Variants in MERTK observed in about 807,000 individuals in gnomAD.
MERTK encodes the protein MER proto-oncogene, tyrosine kinase, also known as tyrosine-protein kinase Mer.
MERTK carries 69 observed loss-of-function variants against 99.3 expected under a neutral mutation model. The ratio of observed to expected loss-of-function variants is 0.70; its 90% confidence interval spans 0.57 to 0.85. MERTK has a LOEUF of 0.85. Ranked by LOEUF, MERTK falls within the 40% of genes least tolerant of loss-of-function variation. MERTK has a pLI of 0.00. For missense variants in MERTK, 1,125 were observed against 1,249.4 expected, an observed-to-expected ratio of 0.90 and a Z score of 1.50; for synonymous variants, 426 against 467.6, an observed-to-expected ratio of 0.91 and a Z score of 1.15.
chr2:111,922,714 A>G (rs1684487871), intron 1 of MERTK, among the ~76,000 whole-genome samples: 1 of 152,216 alleles, frequency 6.6e-6, no homozygotes, highest in Non-Finnish European at 1.5e-5. Context: ...CAAAGAAGTT[A>G]TAGAGCTTTC....
intron 1 of MERTK, among the ~76,000 whole-genome samples, chr2:111,914,835 T>G (rs530842418): frequency 6.6e-6 from 1 of 152,312 alleles, no homozygotes; most frequent in South Asian, 2.1e-4. Context: ...TTTATATTCA[T>G]GAAGAATGTT....
In MERTK at chr2:112,021,414, C is replaced by G; in HGVS notation, c.2190-8C>G. The G allele has an allele frequency of 1.2e-6, 2 of 1,612,806 alleles. No homozygotes were observed. The highest frequency in any genetic ancestry group is 3.8e-4 in the Middle Eastern group (2 of 5,242). On this transcript the variant is annotated splice_polypyrimidine_tract_variant and splice_region_variant and intron_variant, in intron 16 of 18. Transcript: ENST00000295408. ...GACGCTGCTGAAGACGTAACCTGCT[C>G]TCTGTAGGTTGCGAGATGACATGAC...
chr2:111,993,713 C>G (rs1676676672), intron 8 of MERTK, among the ~76,000 whole-genome samples: 1 of 151,674 alleles, frequency 6.6e-6, no homozygotes, highest in Non-Finnish European at 1.5e-5. Flanking sequence ...AAAGTAAAAC[C>G]AGAGTTTTGA....
chr2:111,968,326 AGGATGGGCAT>A, intron 6 of MERTK, 74 bp downstream of exon 6: 1 of 1,237,732 alleles, frequency 8.1e-7, no homozygotes, highest in Non-Finnish European at 1.2e-6. Flanking sequence ...CTTCCTTCCA[AGGATGGGCAT>A]GGAGGGCATT....
intron 8 of MERTK, among the ~76,000 whole-genome samples, chr2:111,991,336 C>T (rs924167481): frequency 2.0e-5 from 3 of 152,130 alleles, no homozygotes; most frequent in Non-Finnish European, 4.4e-5. Flanking sequence ...CGCTTTTCTC[C>T]TGTCTCAGCC....
rs181770068 is a variant in MERTK at position 111,951,042 on chromosome 2, G to A, written c.757+3475G>A. 2.0e-3 allele frequency among the ~76,000 whole-genome samples: 297 copies of A among 150,038 alleles called. 6 individuals carry two copies. In the South Asian group the frequency reaches 0.052, roughly 26 times the overall value. ...ATTGTATGTACTTAAGGTATACAAT[G>A]TAATGTTTTGAAATACATAGTGAAC... On this transcript the variant is annotated intron_variant, in intron 4 of 18. Transcript: ENST00000295408.
chr2:112,019,333 CT>C (rs776877713), intron 15 of MERTK, 79 bp from the exon 16 acceptor site: 65 of 1,003,632 alleles, frequency 6.5e-5, no homozygotes, highest in Middle Eastern at 2.1e-4. Flanking sequence ...TTAAAGCATC[CT>C]TTCCCCCCCC....
chr2:111,977,712 A>G (rs1054339534), intron 7 of MERTK, among the ~76,000 whole-genome samples: 4 of 152,146 alleles, frequency 2.6e-5, no homozygotes, highest in South Asian at 2.1e-4. Flanking sequence ...AAGTTGTCCC[A>G]TAACTCACTG....
intron 1 of MERTK, among the ~76,000 whole-genome samples, chr2:111,912,169 A>ATT (rs113080711): frequency 1.6e-4 from 23 of 146,624 alleles, no homozygotes; most frequent in South Asian, 4.3e-4. Flanking sequence ...TGCCCAGCTA[A>ATT]TTTTTTTTTT....
At chr2:111,962,258 A>G (rs1685264344) in intron 4 of MERTK, among the ~76,000 whole-genome samples, 1 of 152,166 alleles carries the variant, frequency 6.6e-6, no homozygotes, top group African/African-American at 2.4e-5. Flanking sequence ...CTGTAATCCT[A>G]GCGTTTTAGG....
At chr2:112,019,341 C>G (rs932278685) in intron 15 of MERTK, 72 bp from the exon 16 acceptor site, 10 of 1,093,812 alleles carry the variant, frequency 9.1e-6, no homozygotes, top group Non-Finnish European at 1.4e-5. Flanking sequence ...TCCTTTCCCC[C>G]CCCGGCAGAA....
rs893105840 is a variant in MERTK at position 112,029,146 on chromosome 2, A to C, written c.*282A>C. On this transcript the variant is annotated 3_prime_UTR_variant, in exon 19 of 19. Coordinates refer to ENST00000295408, the MANE Select transcript of MERTK (RefSeq NM_006343.3). ...CTTGCATATCTTAAAATTAAGCTTC[A>C]GCTGCTCCTTGATATTAACATTTGT... 1.5e-5 allele frequency: 17 copies of C among 1,102,528 alleles called. No homozygotes were observed. Among genetic ancestry groups the C allele is most frequent in the Non-Finnish European group, 1.9e-5 (17 of 898,556 alleles). 68.3% of individuals were successfully genotyped at this position (1,102,528 alleles called of 1,614,324 possible).
rs2104404227 is a variant in MERTK, at chr2:112,000,133, A to G, written c.1605-1068A>G. Reference sequence around the variant, plus strand: ...ATGGTGGAATGTCATCAGGTAAGGCAGGAACTGGCTATTTTCACTTCTTTT... The same window carrying G: ...ATGGTGGAATGTCATCAGGTAAGGCGGGAACTGGCTATTTTCACTTCTTTT... On this transcript the variant is annotated intron_variant, in intron 10 of 18. Coordinates refer to ENST00000295408, the MANE Select transcript of MERTK (RefSeq NM_006343.3). Among the ~76,000 whole-genome samples the G allele has an allele frequency of 1.3e-5, 2 of 152,324 alleles. 1 individual carries two copies. The highest frequency in any genetic ancestry group is 4.1e-4 in the South Asian group (2 of 4,832).
intron 8 of MERTK, among the ~76,000 whole-genome samples, chr2:111,989,418 G>A (rs146858765): frequency 9.3e-5 from 14 of 150,160 alleles, no homozygotes; most frequent in African/African-American, 3.2e-4. Flanking sequence ...GTGCAGTGGT[G>A]CGGTCTCCAC....
At chr2:112,001,345 G>T in intron 11 of MERTK, 59 bp downstream of exon 11, 1 of 1,309,464 alleles carries the variant, frequency 7.6e-7, no homozygotes, top group South Asian at 1.2e-5. Flanking sequence ...AACAAAGAAG[G>T]ATCAATAGAC....
intron 4 of MERTK, among the ~76,000 whole-genome samples, chr2:111,956,133 G>A (rs375052372): frequency 1.8e-4 from 28 of 152,080 alleles, no homozygotes; most frequent in East Asian, 1.7e-3. Context: ...AAAAGTTAGT[G>A]GGTAAGAGCT....
At chr2:112,027,125 G>A (rs1177508546) in intron 18 of MERTK, among the ~76,000 whole-genome samples, 2 of 151,376 alleles carry the variant, frequency 1.3e-5, no homozygotes, top group Admixed American at 1.3e-4. Flanking sequence ...GCAAGACTTC[G>A]TCTTATTAAA....
chr2:111,923,563 A>T (rs1044793802), intron 1 of MERTK, among the ~76,000 whole-genome samples: 6 of 152,222 alleles, frequency 3.9e-5, no homozygotes, highest in Non-Finnish European at 8.8e-5. Flanking sequence ...ATGTGAAGTT[A>T]AAATTCCACT....
chr2:111,997,554 G>A (rs1157109797), intron 10 of MERTK, 78 bp downstream of exon 10: 1 of 1,534,342 alleles, frequency 6.5e-7, no homozygotes, highest in Admixed American at 1.7e-5. Context: ...CTTTCCTGTT[G>A]GGCCAGCTGC....
Sources: gnomAD v4.1 joint callset for allele counts (sites outside exome capture counted in the v4.1 genomes callset) on GRCh38, gnomAD v4.1.1 for gene constraint, MANE v1.5 for transcripts, NCBI Gene and HGNC (gene_info 2026-07-23, HGNC 2026-07-21) for gene names.